The following FER variants were observed in gnomAD, a reference collection of about 807,000 sequenced individuals.
FER encodes tyrosine-protein kinase Fer.
Under a neutral mutation model 111.0 loss-of-function variants are expected in FER, and 63 were observed. The observed-to-expected ratio is 0.57, with a 90% CI of 0.46 to 0.70. The LOEUF (loss-of-function observed/expected upper bound fraction) is 0.70, where lower values mean the gene tolerates loss of function less well. Among genes scored for constraint, FER ranks in the 30% least tolerant of loss-of-function variants. The pLI is 0.00. For missense variants in FER, 914 were observed against 954.0 expected (o/e 0.96, Z 0.55); for synonymous variants, 327 against 313.9 (o/e 1.04, Z -0.44).
At chr5:108,791,205 G>C (rs28765243) in intron 2 of FER, among the ~76,000 whole-genome samples, 35,822 of 152,024 alleles carry the variant, frequency 0.24, 4,468 homozygotes, top group African/African-American at 0.31. Context: ...TATGTTTTAC[G>C]TTTCCAGGAA....
chr5:109,052,250 A>G lies in FER; in HGVS notation c.1924+5052A>G. On this transcript the variant is annotated intron_variant, in intron 16 of 19. Coordinates refer to ENST00000281092, the MANE Select transcript of FER (RefSeq NM_005246.4). The stretch of plus-strand genomic sequence containing the variant: ...CAGAAGCGCACATGAGAGATTGGGA[A>G]AGACTTGTCATAGCAGACATTTTCA... 7 of 1,606,538 alleles carry G rather than the reference A, an allele frequency of 4.4e-6. No individual in the cohort carries two copies. The South Asian group carries it at 7.7e-5, about 18-fold the overall frequency.
chr5:109,110,026 C>T (rs931720011), intron 17 of FER, among the ~76,000 whole-genome samples: 3 of 152,072 alleles, frequency 2.0e-5, no homozygotes, highest in African/African-American at 4.8e-5. Context: ...AAGTTAAAGG[C>T]GGGCTGTCTC....
chr5:108,886,147 G>T (rs556232935), intron 9 of FER, among the ~76,000 whole-genome samples: 1 of 151,750 alleles, frequency 6.6e-6, no homozygotes, highest in African/African-American at 2.4e-5. Flanking sequence ...TGTTGGAGGA[G>T]ATGATCTTTA....
At chr5:109,038,011 A>G (rs1770640265) in intron 14 of FER, among the ~76,000 whole-genome samples, 1 of 151,890 alleles carries the variant, frequency 6.6e-6, no homozygotes, top group African/African-American at 2.4e-5. Flanking sequence ...AACTAGTTCT[A>G]TTAATCAGAA....
intron 10 of FER, among the ~76,000 whole-genome samples, chr5:108,903,864 G>A (rs1411690210): frequency 2.0e-5 from 3 of 152,308 alleles, no homozygotes; most frequent in Non-Finnish European, 2.9e-5. Context: ...ATGGGTCTAA[G>A]TGTCCTTTCT....
At chr5:108,999,092 A>T (rs192501295) in intron 13 of FER, among the ~76,000 whole-genome samples, 1 of 152,164 alleles carries the variant, frequency 6.6e-6, no homozygotes, top group Non-Finnish European at 1.5e-5. Flanking sequence ...TAAAAGTAAG[A>T]ATTGAAACAT....
chr5:109,094,409 AGG>A (rs1747222345), intron 16 of FER, among the ~76,000 whole-genome samples: 1 of 152,150 alleles, frequency 6.6e-6, no homozygotes, highest in Non-Finnish European at 1.5e-5. Context: ...TGATACTCAA[AGG>A]AAATGCCCAC....
intron 13 of FER, among the ~76,000 whole-genome samples, chr5:109,018,888 A>G (rs1767552608): frequency 6.6e-6 from 1 of 151,632 alleles, no homozygotes; most frequent in Admixed American, 6.6e-5. Context: ...AATGTAAAAT[A>G]GAACAGGAAA....
chr5:109,166,609 A>T (rs1756584436), intron 17 of FER, among the ~76,000 whole-genome samples: 1 of 152,212 alleles, frequency 6.6e-6, no homozygotes, highest in Non-Finnish European at 1.5e-5. Context: ...GTCTTAACAC[A>T]CAACTGTTTA....
chr5:108,839,213 G>A (rs1760983113), intron 5 of FER, among the ~76,000 whole-genome samples: 1 of 152,138 alleles, frequency 6.6e-6, no homozygotes, highest in Non-Finnish European at 1.5e-5. Flanking sequence ...GCCTCTAAAT[G>A]TTCCTTCAGA....
intron 17 of FER, among the ~76,000 whole-genome samples, chr5:109,172,738 G>A (rs1290058689): frequency 6.6e-6 from 1 of 151,974 alleles, no homozygotes; most frequent in African/African-American, 2.4e-5. Flanking sequence ...AGTTCCTTTA[G>A]ACCAGAATCT....
At chr5:108,930,821 C>T (rs1276273865) in intron 10 of FER, among the ~76,000 whole-genome samples, 1 of 151,250 alleles carries the variant, frequency 6.6e-6, no homozygotes, top group Non-Finnish European at 1.5e-5. Context: ...ACCATGTTGC[C>T]CAGACTGGGC....
chr5:109,100,590 C>A, intron 17 of FER, 71 bp downstream of exon 17: 3 of 1,406,076 alleles, frequency 2.1e-6, no homozygotes, highest in South Asian at 2.6e-5. Flanking sequence ...GTATTTGCTA[C>A]AATAGAAGTC....
Position 109,096,950 on chromosome 5 carries a change from G to T in FER, c.1925-3446G>T, listed in dbSNP as rs370110854. Among the ~76,000 whole-genome samples the T allele has an allele frequency of 1.2e-4, 18 of 148,200 alleles. No individual in the cohort carries two copies. In the East Asian group the frequency reaches 2.3e-3, roughly 19 times the overall value. ...ATAGTATAAATAGTAAATAGTATTTGTAACAGTATATAAATATATAATAAA... is the reference window on the plus strand; with the variant it reads ...ATAGTATAAATAGTAAATAGTATTTTTAACAGTATATAAATATATAATAAA... On this transcript the variant is annotated intron_variant, in intron 16 of 19. Coordinates refer to ENST00000281092, the MANE Select transcript of FER (RefSeq NM_005246.4).
At chr5:108,817,820 C>G (rs2150094764) in intron 3 of FER, among the ~76,000 whole-genome samples, 1 of 152,280 alleles carries the variant, frequency 6.6e-6, no homozygotes, top group East Asian at 1.9e-4. Flanking sequence ...GTGTAGTTTT[C>G]TCTTTTTCAA....
chr5:109,022,960 A>G (rs1561787395), intron 13 of FER, among the ~76,000 whole-genome samples: 2 of 152,148 alleles, frequency 1.3e-5, no homozygotes, highest in Admixed American at 1.3e-4. Context: ...ATGGGGCATT[A>G]CTGGAGGGAT....
At chr5:108,919,508 A>G (rs969879306) in intron 10 of FER, among the ~76,000 whole-genome samples, 1 of 152,162 alleles carries the variant, frequency 6.6e-6, no homozygotes, top group Non-Finnish European at 1.5e-5. Context: ...AAGGCCTCAT[A>G]TCTTAAGTCA....
At chr5:109,009,282 C>T (rs1280805053) in intron 13 of FER, among the ~76,000 whole-genome samples, 1 of 151,996 alleles carries the variant, frequency 6.6e-6, no homozygotes, top group South Asian at 2.1e-4. Flanking sequence ...GTGAACTGCC[C>T]ACCTCAGCCT....
chr5:108,899,149 T>C (rs577094005), intron 10 of FER, among the ~76,000 whole-genome samples: 1 of 151,990 alleles, frequency 6.6e-6, no homozygotes, highest in East Asian at 1.9e-4. Flanking sequence ...ATATGAAGTA[T>C]TTAAACAATT....
Sources: gnomAD v4.1 joint callset for allele counts (sites outside exome capture counted in the v4.1 genomes callset) on GRCh38, gnomAD v4.1.1 for gene constraint, MANE v1.5 for transcripts, NCBI Gene and HGNC (gene_info 2026-07-23, HGNC 2026-07-21) for gene names.